The following DHRSX variants were observed in gnomAD, a reference collection of about 807,000 sequenced individuals.
The protein encoded by DHRSX is dehydrogenase/reductase X-linked.
Under a neutral mutation model 34.0 loss-of-function variants are expected in DHRSX, and 31 were observed. The observed-to-expected ratio is 0.91, with a 90% CI of 0.69 to 1.23. The LOEUF (loss-of-function observed/expected upper bound fraction) is 1.23, where lower values mean the gene tolerates loss of function less well. Among genes scored for constraint, DHRSX ranks in the 50% most tolerant of loss-of-function variants. The pLI, the probability that DHRSX is intolerant of heterozygous loss-of-function variation, is 0.00. For missense variants in DHRSX, 414 were observed against 428.1 expected, an observed-to-expected ratio of 0.97 and a Z score of 0.29; for synonymous variants, 201 against 183.8, an observed-to-expected ratio of 1.09 and a Z score of -0.76.
At chrX:2,243,828 A>G (rs2016214688) in intron 5 of DHRSX, among the ~76,000 whole-genome samples, 1 of 44,458 alleles carries the variant, frequency 2.2e-5, no homozygotes, top group African/African-American at 6.7e-5. Flanking sequence ...TTTTTGAGAC[A>G]GATTCTCACT....
At chrX:2,348,181 G>A (rs1429066633) in intron 3 of DHRSX, among the ~76,000 whole-genome samples, 1 of 152,146 alleles carries the variant, frequency 6.6e-6, no homozygotes, top group African/African-American at 2.4e-5. Flanking sequence ...GAAGCAGCTC[G>A]GGTAAGAGAC....
At chrX:2,450,282 G>T (rs1391142578) in intron 1 of DHRSX, among the ~76,000 whole-genome samples, 4 of 151,846 alleles carry the variant, frequency 2.6e-5, no homozygotes, top group African/African-American at 9.7e-5. Context: ...CAATGCTTAG[G>T]GAAAAAAAGT....
chrX:2,404,540 G>T (rs1038655924), intron 3 of DHRSX, among the ~76,000 whole-genome samples: 3 of 152,160 alleles, frequency 2.0e-5, no homozygotes, highest in Non-Finnish European at 4.4e-5. Context: ...CGGCTAATAA[G>T]CCTTGTCTCT....
At chrX:2,283,037 G>C (rs985289690) in intron 4 of DHRSX, among the ~76,000 whole-genome samples, 1 of 151,502 alleles carries the variant, frequency 6.6e-6, no homozygotes, top group African/African-American at 2.4e-5. Flanking sequence ...CGGGGAGAAG[G>C]AGGAGAGAGA....
chrX:2,271,589 A>AT (rs2041555519), intron 4 of DHRSX, among the ~76,000 whole-genome samples: 1 of 152,192 alleles, frequency 6.6e-6, no homozygotes, highest in African/African-American at 2.4e-5. Flanking sequence ...AAACATCAGG[A>AT]GTATAAACCA....
intron 5 of DHRSX, among the ~76,000 whole-genome samples, chrX:2,243,803 T>TGTTTTG (rs1569478888): frequency 2.2e-4 from 18 of 81,978 alleles, no homozygotes; most frequent in Admixed American, 6.9e-4. Flanking sequence ...TTTTTTTTTT[T>TGTTTTG]TTTTTTTTTT....
chrX:2,352,228 GGT>G (rs72328944), intron 3 of DHRSX, among the ~76,000 whole-genome samples: 2,122 of 152,070 alleles, frequency 0.014, 40 homozygotes, highest in African/African-American at 0.049. Context: ...GAAAATAAAT[GGT>G]ATCCCAAGAT....
intron 3 of DHRSX, among the ~76,000 whole-genome samples, chrX:2,355,739 A>G (rs2042842988): frequency 1.3e-5 from 2 of 152,058 alleles, no homozygotes; most frequent in African/African-American, 4.8e-5. Flanking sequence ...AGAAGCCCGG[A>G]CAATAGTAGA....
rs369733237 is a variant in DHRSX, at chrX:2,231,654, TTTTCTTC to T, written c.805-10432_805-10426del. Among the ~76,000 whole-genome samples, 1,073 of 147,734 alleles carry T rather than the reference TTTTCTTC, an allele frequency of 7.3e-3. 6 individuals are homozygous for T. Among genetic ancestry groups the T allele is most frequent in the Middle Eastern group, 0.028 (8 of 288 alleles). ...TCTCCCTTTCTCTTCTCTCTCTGCC[TTTTCTTC>T]TTTTTTTCTTTCTCCTCTTTTCTCT... On this transcript the variant is annotated intron_variant, in intron 6 of 6. Transcript: ENST00000334651.
At chrX:2,293,844 C>T (rs1602885805) in intron 3 of DHRSX, among the ~76,000 whole-genome samples, 1 of 152,032 alleles carries the variant, frequency 6.6e-6, no homozygotes, top group South Asian at 2.1e-4. Flanking sequence ...CTGCCTGTGC[C>T]CCCCATGTCT....
chrX:2,489,881 G>GAGC, intron 1 of DHRSX: 2 of 1,613,832 alleles, frequency 1.2e-6, no homozygotes, highest in Non-Finnish European at 1.7e-6. Flanking sequence ...GTCCAGCAGG[G>GAGC]AGCACGCCTT....
intron 1 of DHRSX, among the ~76,000 whole-genome samples, chrX:2,466,221 C>T (rs2044494274): frequency 1.3e-5 from 2 of 152,272 alleles, no homozygotes; most frequent in South Asian, 4.1e-4. Flanking sequence ...GGCAGATTAC[C>T]TGAGGTCGGT....
intron 4 of DHRSX, among the ~76,000 whole-genome samples, chrX:2,284,301 T>TGAATTCATTTGCATTCATTC (rs1472749844): frequency 2.6e-5 from 4 of 151,986 alleles, no homozygotes; most frequent in African/African-American, 9.7e-5. Flanking sequence ...TTCATTCCTT[T>TGAATTCATTTGCATTCATTC]GAATTCATTT....
chrX:2,316,618 TGAA>T (rs1300446233), intron 3 of DHRSX, among the ~76,000 whole-genome samples: 2 of 152,116 alleles, frequency 1.3e-5, no homozygotes, highest in Non-Finnish European at 1.5e-5. Flanking sequence ...CAAGTTTATT[TGAA>T]GAAGAAGAAT....
Position 2,459,790 on chromosome X carries a change from G to A in DHRSX, c.110-34486C>T, listed in dbSNP as rs141762333. 5.5e-4 allele frequency among the ~76,000 whole-genome samples: 84 copies of A among 151,880 alleles called. 3 individuals carry two copies. In the East Asian group the frequency reaches 0.016, roughly 30 times the overall value. On this transcript the variant is annotated intron_variant, in intron 1 of 6. Coordinates refer to ENST00000334651, the MANE Select transcript of DHRSX (RefSeq NM_145177.3). ...AAGGGGCTCCAAGTTGTCAAGGAAA[G>A]GATTCCAGTTATGTGCTCAAGGTGT...
chrX:2,412,801 G>A lies in DHRSX; in HGVS notation c.218-3988C>T, dbSNP rs181089094. On this transcript the variant is annotated intron_variant, in intron 2 of 6. Coordinates refer to ENST00000334651, the MANE Select transcript of DHRSX (RefSeq NM_145177.3). ...CTGTGATACAACATGGATCAACCAG[G>A]AGTACATCATGTTAAGTAAAATAAG... Among the ~76,000 whole-genome samples the A allele has an allele frequency of 3.0e-4, 46 of 152,282 alleles. 1 individual carries two copies. The highest frequency in any genetic ancestry group is 1.0e-3 in the African/African-American group (42 of 41,542).
chrX:2,414,192 C>T (rs933921374), intron 2 of DHRSX, among the ~76,000 whole-genome samples: 4 of 151,812 alleles, frequency 2.6e-5, no homozygotes, highest in Admixed American at 6.6e-5. Flanking sequence ...ACTACCTCAT[C>T]GTGACCTAAC....
intron 3 of DHRSX, among the ~76,000 whole-genome samples, chrX:2,346,462 C>CCT (rs2042713245): frequency 1.3e-5 from 2 of 152,072 alleles, no homozygotes; most frequent in South Asian, 4.1e-4. Flanking sequence ...CCCAGCCTCC[C>CCT]CTCCCACAAG....
intron 6 of DHRSX, among the ~76,000 whole-genome samples, chrX:2,242,090 T>C (rs998488562): frequency 1.3e-5 from 2 of 152,106 alleles, no homozygotes; most frequent in African/African-American, 4.8e-5. Flanking sequence ...CTGTACCCCT[T>C]TGTGTAATGG....
Sources: allele counts gnomAD v4.1 joint callset (sites outside exome capture counted in the v4.1 genomes callset), GRCh38; gene constraint gnomAD v4.1.1; transcripts MANE v1.5; gene names NCBI Gene and HGNC (gene_info 2026-07-23, HGNC 2026-07-21).